Variants in PHACTR1 observed in about 807,000 individuals in gnomAD.
PHACTR1 encodes RPEL repeat containing 1.
Under a neutral mutation model 69.2 loss-of-function variants are expected in PHACTR1, and 16 were observed. That is an observed-to-expected ratio of 0.23 (90% CI 0.16 to 0.35). PHACTR1 has a LOEUF of 0.35. Ranked by LOEUF, PHACTR1 falls within the 10% of genes least tolerant of loss-of-function variation. The probability of loss-of-function intolerance (pLI) is 1.00; values close to 1 mark genes in which losing one functional copy is unlikely to be tolerated. For missense variants in PHACTR1, 510 were observed against 734.7 expected (o/e 0.69, Z 3.54); for synonymous variants, 312 against 284.5 (o/e 1.10, Z -0.97).
intron 4 of PHACTR1, among the ~76,000 whole-genome samples, chr6:13,041,360 A>G (rs866835756): frequency 2.0e-5 from 3 of 151,536 alleles, no homozygotes; most frequent in African/African-American, 7.3e-5. Flanking sequence ...ACACACACAC[A>G]CACACACACA....
intron 6 of PHACTR1, among the ~76,000 whole-genome samples, chr6:13,167,744 TCCTTAATCAGGTTGGAGCAA>T (rs1315187285): frequency 6.6e-6 from 1 of 152,232 alleles, no homozygotes; most frequent in African/African-American, 2.4e-5. Flanking sequence ...TATGTTTTTT[TCCTTAATCAGGTTGGAGCAA>T]CCTTAATCAG....
chr6:12,971,656 A>T (rs1257863825), intron 4 of PHACTR1, among the ~76,000 whole-genome samples: 1 of 152,206 alleles, frequency 6.6e-6, no homozygotes, highest in Admixed American at 6.5e-5. Flanking sequence ...CCTTTTTAGG[A>T]TGATGGAACT....
chr6:12,744,230 G>A (rs1434891502), intron 3 of PHACTR1, among the ~76,000 whole-genome samples: 2 of 152,172 alleles, frequency 1.3e-5, no homozygotes, highest in Non-Finnish European at 2.9e-5. Context: ...TCCTTAAAGG[G>A]AACCACGCCA....
At position 13,116,546 on chromosome 6, in the gene PHACTR1, G is replaced by C. The variant is rs558105821; in HGVS notation, c.416-43658G>C. 7.2e-5 allele frequency among the ~76,000 whole-genome samples: 11 copies of C among 152,266 alleles called. No homozygotes were observed. In the East Asian group the frequency reaches 2.1e-3, roughly 29 times the overall value. ...GTGTTTACTTTTAGGGAGGATGGAG[G>C]AAATTGGTGGGGAGGGGCTGTGTGA... On this transcript the variant is annotated intron_variant, in intron 5 of 14. Transcript: ENST00000332995.
At chr6:12,883,037 C>G (rs1297018900) in intron 4 of PHACTR1, among the ~76,000 whole-genome samples, 1 of 152,102 alleles carries the variant, frequency 6.6e-6, no homozygotes, top group African/African-American at 2.4e-5. Flanking sequence ...TGCTGCTGCC[C>G]TGGGGGAAGT....
intron 4 of PHACTR1, among the ~76,000 whole-genome samples, chr6:12,796,752 A>G (rs9463117): frequency 0.07 from 10,601 of 152,302 alleles, 463 homozygotes; most frequent in Admixed American, 0.1. Flanking sequence ...GCTAGAGTCC[A>G]TAGCAATGAA....
At chr6:12,896,042 A>C (rs1239964186) in intron 4 of PHACTR1, among the ~76,000 whole-genome samples, 1 of 152,246 alleles carries the variant, frequency 6.6e-6, no homozygotes, top group Non-Finnish European at 1.5e-5. Context: ...CAGTGCTGCA[A>C]GTTCTGCATG....
intron 4 of PHACTR1, among the ~76,000 whole-genome samples, chr6:12,830,089 GAGGGA>G (rs1777298178): frequency 8.2e-6 from 1 of 121,626 alleles, no homozygotes; most frequent in Admixed American, 8.8e-5. Flanking sequence ...AGGAAGGAAG[GAGGGA>G]AAGAAAGAAA....
rs138337917 is a variant in PHACTR1 at position 13,056,525 on chromosome 6, G to C, written c.415+2996G>C. 3.1e-3 allele frequency among the ~76,000 whole-genome samples: 473 copies of C among 152,254 alleles called. 4 individuals carry two copies. The highest frequency in any genetic ancestry group is 0.011 in the African/African-American group (445 of 41,532). ...AATTTTAGCTAGTATACCTATCTTTGTCTTGTATGTATGTGTTGTTAAAGG... is the reference window on the plus strand; with the variant it reads ...AATTTTAGCTAGTATACCTATCTTTCTCTTGTATGTATGTGTTGTTAAAGG... On this transcript the variant is annotated intron_variant, in intron 5 of 14. Coordinates refer to ENST00000332995, the MANE Select transcript of PHACTR1 (RefSeq NM_030948.6).
intron 4 of PHACTR1, among the ~76,000 whole-genome samples, chr6:13,002,722 C>T (rs1271138586): frequency 6.6e-6 from 1 of 152,108 alleles, no homozygotes; most frequent in East Asian, 1.9e-4. Flanking sequence ...TAAACAGTTC[C>T]CAGTTGTCTT....
chr6:12,998,486 C>T (rs1797687678), intron 4 of PHACTR1, among the ~76,000 whole-genome samples: 1 of 151,636 alleles, frequency 6.6e-6, no homozygotes, highest in African/African-American at 2.4e-5. Context: ...CATGGTGGTG[C>T]ACACCTCTGG....
chr6:12,797,961 A>G (rs1413154249), intron 4 of PHACTR1, among the ~76,000 whole-genome samples: 3 of 151,668 alleles, frequency 2.0e-5, no homozygotes, highest in Non-Finnish European at 4.4e-5. Flanking sequence ...TATGATACCT[A>G]CCGCTATTTA....
At chr6:12,761,093 C>T (rs1385282505) in intron 4 of PHACTR1, among the ~76,000 whole-genome samples, 1 of 152,178 alleles carries the variant, frequency 6.6e-6, no homozygotes, top group Non-Finnish European at 1.5e-5. Context: ...TCTCTCTGAA[C>T]CTCTGAAACT....
At chr6:12,758,847 G>T (rs1178476654) in intron 4 of PHACTR1, among the ~76,000 whole-genome samples, 1 of 152,120 alleles carries the variant, frequency 6.6e-6, no homozygotes, top group Admixed American at 6.5e-5. Context: ...TTGGGGCCAG[G>T]CACAGTGGCT....
intron 4 of PHACTR1, among the ~76,000 whole-genome samples, chr6:12,944,100 C>G (rs1271717601): frequency 1.3e-5 from 2 of 152,192 alleles, no homozygotes; most frequent in Admixed American, 1.3e-4. Flanking sequence ...AGACATTACC[C>G]TCTGTTCTAC....
chr6:13,054,575 C>G (rs1005637527), intron 5 of PHACTR1, among the ~76,000 whole-genome samples: 1 of 152,218 alleles, frequency 6.6e-6, no homozygotes, highest in Non-Finnish European at 1.5e-5. Flanking sequence ...TTGCTGTACA[C>G]TCACATCACC....
chr6:12,836,338 A>G (rs572666893), intron 4 of PHACTR1, among the ~76,000 whole-genome samples: 2 of 152,290 alleles, frequency 1.3e-5, no homozygotes, highest in South Asian at 4.1e-4. Flanking sequence ...TGGGCAAGCA[A>G]TTTACCTGAA....
chr6:13,093,770 A>T (rs1813670806), intron 5 of PHACTR1, among the ~76,000 whole-genome samples: 1 of 152,224 alleles, frequency 6.6e-6, no homozygotes, highest in Admixed American at 6.5e-5. Flanking sequence ...AATGGACTAA[A>T]CACTAGGAGT....
intron 5 of PHACTR1, among the ~76,000 whole-genome samples, chr6:13,059,285 T>C (rs1170755282): frequency 1.3e-5 from 2 of 151,556 alleles, no homozygotes; most frequent in African/African-American, 2.4e-5. Flanking sequence ...AGTAGAAGGG[T>C]GGTTGCCAGG....
Sources: gnomAD v4.1 joint callset for allele counts (sites outside exome capture counted in the v4.1 genomes callset) on GRCh38, gnomAD v4.1.1 for gene constraint, MANE v1.5 for transcripts, NCBI Gene and HGNC (gene_info 2026-07-23, HGNC 2026-07-21) for gene names.